LRMDA: variants seen among roughly 807,000 people sequenced by gnomAD.
LRMDA encodes leucine-rich melanocyte differentiation-associated protein.
Under a neutral mutation model 29.8 loss-of-function variants are expected in LRMDA, and 18 were observed. That is an observed-to-expected ratio of 0.60 (90% CI 0.42 to 0.90). The LOEUF is 0.90. Ranked by LOEUF, LRMDA falls within the 40% of genes least tolerant of loss-of-function variation. LRMDA has a pLI of 0.00. For synonymous variants in LRMDA, 125 were observed against 109.4 expected (o/e 1.14, Z -0.89); for missense variants, 273 against 273.9 (o/e 1.00, Z 0.02).
intron 2 of LRMDA, among the ~76,000 whole-genome samples, chr10:75,728,532 G>A (rs569791137): frequency 4.6e-5 from 7 of 151,342 alleles, no homozygotes; most frequent in African/African-American, 1.7e-4. Flanking sequence ...TCCTCAAGAA[G>A]GGCAGAAAAG....
At position 76,207,712 on chromosome 10, in the gene LRMDA, C is replaced by T. The variant is rs144354344; in HGVS notation, c.517-116689C>T. Reference sequence around the variant, plus strand: ...GGTGTGGTGGCTCATGCCTGTAATCCCAGCACTTTGGGAGGCCAAGGCAGG... The same window carrying T: ...GGTGTGGTGGCTCATGCCTGTAATCTCAGCACTTTGGGAGGCCAAGGCAGG... On this transcript the variant is annotated intron_variant, in intron 5 of 6. Transcript: ENST00000611255. 7.5e-3 allele frequency among the ~76,000 whole-genome samples: 1,147 copies of T among 152,202 alleles called. 25 individuals are homozygous for T. The highest frequency in any genetic ancestry group is 0.026 in the African/African-American group (1,091 of 41,526).
chr10:76,451,038 T>C (rs1288919499), intron 6 of LRMDA, among the ~76,000 whole-genome samples: 1 of 152,204 alleles, frequency 6.6e-6, no homozygotes, highest in Non-Finnish European at 1.5e-5. Flanking sequence ...TTTTCTATGC[T>C]CATTTTTGAA....
chr10:76,047,114 C>A, intron 3 of LRMDA, 50 bp from the exon 4 acceptor site: 1 of 1,606,902 alleles, frequency 6.2e-7, no homozygotes, highest in South Asian at 1.1e-5. Flanking sequence ...GGCCTATGCT[C>A]ATTGCTAAGC....
At chr10:75,894,237 C>G (rs574930823) in intron 2 of LRMDA, among the ~76,000 whole-genome samples, 1 of 152,102 alleles carries the variant, frequency 6.6e-6, no homozygotes, top group Admixed American at 6.5e-5. Flanking sequence ...GCCTTTGTGT[C>G]ATCATAGCTT....
chr10:75,911,928 C>T (rs1845849272), intron 2 of LRMDA, among the ~76,000 whole-genome samples: 1 of 152,152 alleles, frequency 6.6e-6, no homozygotes. Context: ...TGTACATTGC[C>T]CAGCCAGCAG....
intron 6 of LRMDA, among the ~76,000 whole-genome samples, chr10:76,513,606 G>A (rs1843030760): frequency 6.6e-6 from 1 of 152,176 alleles, no homozygotes; most frequent in Admixed American, 6.5e-5. Context: ...CCTTTAACAT[G>A]TTGATAAGCC....
At chr10:76,004,062 A>G (rs1468148789) in intron 2 of LRMDA, among the ~76,000 whole-genome samples, 1 of 152,256 alleles carries the variant, frequency 6.6e-6, no homozygotes, top group African/African-American at 2.4e-5. Context: ...TGAATGAACA[A>G]TGAATGAATA....
intron 2 of LRMDA, among the ~76,000 whole-genome samples, chr10:75,491,200 T>G (rs188183707): frequency 6.6e-6 from 1 of 152,342 alleles, no homozygotes; most frequent in Non-Finnish European, 1.5e-5. Context: ...ATTATTGCAT[T>G]GAGTGTGTTG....
intron 2 of LRMDA, among the ~76,000 whole-genome samples, chr10:75,793,371 GGGAAGGGTT>G (rs535441084): frequency 7.2e-5 from 11 of 152,324 alleles, no homozygotes; most frequent in African/African-American, 2.6e-4. Context: ...GGGAGCCGAA[GGGAAGGGTT>G]AGGGGCAACT....
At chr10:75,469,358 C>T (rs1330309302) in intron 2 of LRMDA, among the ~76,000 whole-genome samples, 1 of 146,492 alleles carries the variant, frequency 6.8e-6, no homozygotes, top group African/African-American at 2.4e-5. Flanking sequence ...CCTAACTGGC[C>T]CCCAGTGCAA....
chr10:75,827,624 T>G (rs1844270022), intron 2 of LRMDA, among the ~76,000 whole-genome samples: 3 of 152,238 alleles, frequency 2.0e-5, no homozygotes, highest in Admixed American at 1.3e-4. Context: ...TTTGAGGCAC[T>G]GCTGTAAAGC....
At chr10:76,212,992 G>A (rs1462488342) in intron 5 of LRMDA, among the ~76,000 whole-genome samples, 1 of 152,112 alleles carries the variant, frequency 6.6e-6, no homozygotes, top group Non-Finnish European at 1.5e-5. Context: ...TTGTGAGCTC[G>A]TACTCCATGA....
intron 5 of LRMDA, among the ~76,000 whole-genome samples, chr10:76,132,431 T>G (rs1370979585): frequency 6.6e-6 from 1 of 152,170 alleles, no homozygotes; most frequent in Admixed American, 6.5e-5. Flanking sequence ...TGGTATTCCA[T>G]CAAGCAGAAC....
At chr10:76,098,191 C>T (rs923113796) in intron 5 of LRMDA, among the ~76,000 whole-genome samples, 3 of 151,880 alleles carry the variant, frequency 2.0e-5, no homozygotes, top group Admixed American at 2.0e-4. Context: ...AAAAGTGTTC[C>T]CTCCTATTTT....
chr10:75,725,823 G>A lies in LRMDA; in HGVS notation c.131+287329G>A, dbSNP rs574612182. Among the ~76,000 whole-genome samples the A allele has an allele frequency of 2.6e-5, 4 of 152,292 alleles. No homozygotes were observed. In the East Asian group the frequency reaches 7.7e-4, roughly 29 times the overall value. Reference sequence around the variant, plus strand: ...CTTGCCTGTTTGACTGGGTGGGAGGGCTTTTGCCTTATTATTCAAGCCTTT... The same window carrying A: ...CTTGCCTGTTTGACTGGGTGGGAGGACTTTTGCCTTATTATTCAAGCCTTT... On this transcript the variant is annotated intron_variant, in intron 2 of 6. Coordinates refer to ENST00000611255, the MANE Select transcript of LRMDA (RefSeq NM_001305581.2).
At chr10:76,263,007 T>G (rs2132311221) in intron 5 of LRMDA, among the ~76,000 whole-genome samples, 1 of 152,356 alleles carries the variant, frequency 6.6e-6, no homozygotes, top group South Asian at 2.1e-4. Context: ...TTCATAGAAC[T>G]TTGCAATGTT....
intron 2 of LRMDA, among the ~76,000 whole-genome samples, chr10:75,995,010 T>C (rs770320283): frequency 2.6e-5 from 4 of 152,206 alleles, no homozygotes; most frequent in Non-Finnish European, 5.9e-5. Flanking sequence ...TTTATCTGGG[T>C]GGTTTTTCCA....
chr10:76,047,985 C>A (rs1417135148), intron 4 of LRMDA, among the ~76,000 whole-genome samples: 2 of 152,280 alleles, frequency 1.3e-5, no homozygotes, highest in East Asian at 3.9e-4. Context: ...TTTAGAGAGT[C>A]TTTTTGGTCT....
At chr10:76,363,208 G>GGGAGGGAGGGAA (rs1424739644) in intron 6 of LRMDA, among the ~76,000 whole-genome samples, 1 of 11,692 alleles carries the variant, frequency 8.6e-5, no homozygotes, top group African/African-American at 3.8e-4. Context: ...GAGGGAGGGA[G>GGGAGGGAGGGAA]GGAAGGAAGA....
Sources: gnomAD v4.1 joint callset for allele counts (sites outside exome capture counted in the v4.1 genomes callset) on GRCh38, gnomAD v4.1.1 for gene constraint, MANE v1.5 for transcripts, NCBI Gene and HGNC (gene_info 2026-07-23, HGNC 2026-07-21) for gene names.